The following PRUNE2 variants were observed in gnomAD, a reference collection of about 807,000 sequenced individuals.
The protein encoded by PRUNE2 is prune homolog 2 with BCH domain.
Under a neutral mutation model 252.0 loss-of-function variants are expected in PRUNE2, and 164 were observed. That is an observed-to-expected ratio of 0.65 (90% CI 0.57 to 0.74). PRUNE2 has a LOEUF of 0.74. Ranked by LOEUF, PRUNE2 falls within the 30% of genes least tolerant of loss-of-function variation. The pLI is 0.00. For missense variants in PRUNE2, 3,495 were observed against 3,711.0 expected (o/e 0.94, Z 1.51); for synonymous variants, 1,292 against 1,350.2 (o/e 0.96, Z 0.94).
chr9:76,884,048 G>C (rs1207711628), intron 1 of PRUNE2, among the ~76,000 whole-genome samples: 1 of 152,160 alleles, frequency 6.6e-6, no homozygotes, highest in African/African-American at 2.4e-5. Flanking sequence ...GTCTGTTCCA[G>C]GGGCTTTGGT....
chr9:76,620,633 T>C (rs1006979599), intron 17 of PRUNE2, among the ~76,000 whole-genome samples: 1 of 152,172 alleles, frequency 6.6e-6, no homozygotes, highest in Admixed American at 6.5e-5. Flanking sequence ...CCAGGTGAGA[T>C]AGCAACCTTC....
chr9:76,669,937 G>A (rs1166890109), intron 9 of PRUNE2, among the ~76,000 whole-genome samples: 2 of 152,296 alleles, frequency 1.3e-5, no homozygotes, highest in East Asian at 3.9e-4. Context: ...CAACTGCCAA[G>A]AGCTTCTTGC....
intron 6 of PRUNE2, among the ~76,000 whole-genome samples, chr9:76,803,836 T>C (rs1423531913): frequency 3.3e-5 from 5 of 152,208 alleles, no homozygotes; most frequent in Non-Finnish European, 7.3e-5. Context: ...TTAGACTGTC[T>C]GTTCTTCGCA....
At position 76,705,565 on chromosome 9, in the gene PRUNE2, CA is replaced by C. The variant is rs1416538210; in HGVS notation, c.6708del (p.Phe2236LeufsTer2). On this transcript the variant is annotated frameshift_variant, in exon 8 of 19. Transcript: ENST00000376718. LOFTEE classifies it high-confidence loss of function. ...PRIENVATSIFVTHQEPTPEG... is the reference protein window; with the variant it reads ...PRIENVATSIXVTHQEPTPEG... Reference sequence around the variant, plus strand: ...TCTGGAGTTGGCTCTTGGTGAGTTACAAAAATGCTAGTTGCCACATTTTCAA... The same window carrying C: ...TCTGGAGTTGGCTCTTGGTGAGTTACAAAATGCTAGTTGCCACATTTTCAA... 2 of 1,614,012 alleles carry C rather than the reference CA, an allele frequency of 1.2e-6. No individual in the cohort carries two copies. The highest frequency in any genetic ancestry group is 4.5e-5 in the East Asian group (2 of 44,880).
intron 1 of PRUNE2, among the ~76,000 whole-genome samples, chr9:76,904,265 C>T (rs905504480): frequency 3.3e-5 from 5 of 151,490 alleles, no homozygotes; most frequent in Non-Finnish European, 7.4e-5. Context: ...AGCAATTGCT[C>T]GTCTAATGAA....
intron 2 of PRUNE2, among the ~76,000 whole-genome samples, chr9:76,851,221 C>T (rs1226508396): frequency 6.6e-6 from 1 of 152,004 alleles, no homozygotes; most frequent in East Asian, 1.9e-4. Flanking sequence ...CAATGGTTCA[C>T]ATGTAAAAAT....
rs745970872 is a variant in PRUNE2, at chr9:76,710,199, C to T, written c.2075G>A (p.Ser692Asn). The T allele has an allele frequency of 1.2e-6, 2 of 1,613,930 alleles. No individual in the cohort carries two copies. Among genetic ancestry groups the T allele is most frequent in the Non-Finnish European group, 1.7e-6 (2 of 1,179,862 alleles). ...ATCTGAGGCTCTCCTATCAATGGAG[C>T]TTGGCTTATGCTCTTTCCATGATTC... is the stretch of plus-strand genomic sequence containing the variant. ...SPESWKEHKP[S>N]SIDRRASDSV... is the part of the protein sequence containing the mutation. Residue 692 changes from serine (S) to asparagine (N), a missense_variant, in exon 8 of 19, where the codon AGC becomes AAC. Physicochemically the swap from Ser to Asn is conservative, Grantham distance 46. Transcript: ENST00000376718.
At chr9:76,749,636 C>T (rs2050437582) in intron 6 of PRUNE2, among the ~76,000 whole-genome samples, 1 of 152,190 alleles carries the variant, frequency 6.6e-6, no homozygotes, top group Admixed American at 6.5e-5. Flanking sequence ...CAAATAAATG[C>T]CCTCCTTTCT....
At chr9:76,752,168 G>A (rs2050685391) in intron 6 of PRUNE2, among the ~76,000 whole-genome samples, 1 of 151,662 alleles carries the variant, frequency 6.6e-6, no homozygotes, top group South Asian at 2.1e-4. Flanking sequence ...TGCAATCTCG[G>A]CTCACTGCAA....
intron 1 of PRUNE2, among the ~76,000 whole-genome samples, chr9:76,874,555 A>C (rs749381369): frequency 6.6e-6 from 1 of 152,224 alleles, no homozygotes; most frequent in African/African-American, 2.4e-5. Context: ...AAAATCTGAG[A>C]TATATTCATA....
At chr9:76,617,709 G>C (rs1308243219) in intron 18 of PRUNE2, among the ~76,000 whole-genome samples, 1 of 152,128 alleles carries the variant, frequency 6.6e-6, no homozygotes, top group Non-Finnish European at 1.5e-5. Context: ...GCCCAGCCCT[G>C]AAATGAACCC....
intron 6 of PRUNE2, chr9:76,739,692 A>T (rs888123851): frequency 2.6e-5 from 4 of 152,220 alleles, no homozygotes; most frequent in Non-Finnish European, 5.9e-5. Flanking sequence ...ATCACATCAG[A>T]GTTTGCTGTC....
intron 6 of PRUNE2, among the ~76,000 whole-genome samples, chr9:76,764,237 C>T (rs10869813): frequency 0.4 from 49,250 of 122,306 alleles, 8,387 homozygotes; most frequent in South Asian, 0.44. Context: ...AACAAACAAA[C>T]AAATAAATAA....
At chr9:76,874,669 C>A (rs1391795475) in intron 1 of PRUNE2, among the ~76,000 whole-genome samples, 2 of 152,130 alleles carry the variant, frequency 1.3e-5, no homozygotes, top group Non-Finnish European at 2.9e-5. Context: ...AGGAACCAGA[C>A]ATAAATTTTA....
intron 1 of PRUNE2, among the ~76,000 whole-genome samples, chr9:76,863,707 C>T (rs192676398): frequency 6.6e-6 from 1 of 152,170 alleles, no homozygotes; most frequent in Non-Finnish European, 1.5e-5. Context: ...GAAAATGTTG[C>T]AACAATACAC....
intron 9 of PRUNE2, among the ~76,000 whole-genome samples, chr9:76,685,195 G>A: frequency 6.6e-6 from 1 of 152,072 alleles, no homozygotes; most frequent in East Asian, 1.9e-4. Flanking sequence ...TCTATTATAT[G>A]ATTACATCTA....
At position 76,824,891 on chromosome 9, in the gene PRUNE2, G is replaced by A. The variant is rs543344938; in HGVS notation, c.662-1165C>T. 2.0e-5 allele frequency among the ~76,000 whole-genome samples: 3 copies of A among 152,316 alleles called. No homozygotes were observed. In the South Asian group the frequency reaches 6.2e-4, roughly 32 times the overall value. ...CGTAAAATGATTCATTGAAGACATT[G>A]TGACATTAAAAGTTTGGTGTCATTG... On this transcript the variant is annotated intron_variant, in intron 5 of 18. Coordinates refer to ENST00000376718, the MANE Select transcript of PRUNE2 (RefSeq NM_015225.3).
At chr9:76,766,048 T>C (rs2052341617) in intron 6 of PRUNE2, among the ~76,000 whole-genome samples, 1 of 151,732 alleles carries the variant, frequency 6.6e-6, no homozygotes. Context: ...CCGCGCGTGG[T>C]GGCAGGCACC....
rs1294651619 is a variant in PRUNE2, at chr9:76,612,968, A to G, written c.*1602T>C. The stretch of plus-strand genomic sequence containing the variant: ...TTTTATTTCTGCCAGCTTCTTTGTA[A>G]TAGGAGACACTGGAGACTAAGAATG... On this transcript the variant is annotated 3_prime_UTR_variant, in exon 19 of 19. Transcript: ENST00000376718. 1 of 152,136 alleles carries G rather than the reference A, an allele frequency of 6.6e-6. No individual in the cohort carries two copies. The highest frequency in any genetic ancestry group is 3.2e-3 in the Middle Eastern group (1 of 316). 9.4% of individuals were successfully genotyped at this position (152,136 alleles called of 1,614,324 possible).
Sources: gnomAD v4.1 joint callset for allele counts (sites outside exome capture counted in the v4.1 genomes callset) on GRCh38, gnomAD v4.1.1 for gene constraint, MANE v1.5 for transcripts, NCBI Gene and HGNC (gene_info 2026-07-23, HGNC 2026-07-21) for gene names.